PTPRD: variants seen among roughly 807,000 people sequenced by gnomAD.
PTPRD encodes the protein protein tyrosine phosphatase receptor type D.
Under a neutral mutation model 214.5 loss-of-function variants are expected in PTPRD, and 34 were observed. The ratio of observed to expected loss-of-function variants is 0.16; its 90% CI spans 0.12 to 0.21. The LOEUF (loss-of-function observed/expected upper bound fraction) is 0.21. Ranked by LOEUF, PTPRD falls within the 10% of genes least tolerant of loss-of-function variation. The pLI, the probability that PTPRD is intolerant of heterozygous loss-of-function variation, is 1.00. For missense variants in PTPRD, 2,545 were observed against 2,398.7 expected, an observed-to-expected ratio of 1.06 and a Z score of -1.27; for synonymous variants, 1,128 against 845.7, an observed-to-expected ratio of 1.33 and a Z score of -5.79.
intron 5 of PTPRD, among the ~76,000 whole-genome samples, chr9:9,926,802 G>A (rs1055320850): frequency 6.6e-6 from 1 of 152,130 alleles, no homozygotes; most frequent in Admixed American, 6.5e-5. Flanking sequence ...CATTTGTTTA[G>A]AGAGATAAAA....
At chr9:8,783,804 A>G (rs1256432963) in intron 11 of PTPRD, among the ~76,000 whole-genome samples, 1 of 152,218 alleles carries the variant, frequency 6.6e-6, no homozygotes, top group Non-Finnish European at 1.5e-5. Context: ...ATTCCCAGAT[A>G]GAGCAGGAGG....
At chr9:9,551,711 T>C (rs1357489321) in intron 8 of PTPRD, among the ~76,000 whole-genome samples, 1 of 152,002 alleles carries the variant, frequency 6.6e-6, no homozygotes, top group African/African-American at 2.4e-5. Flanking sequence ...CCAGTCCTAC[T>C]GCATATAGCC....
chr9:10,036,730 C>T (rs562439100), intron 3 of PTPRD, among the ~76,000 whole-genome samples: 29 of 151,976 alleles, frequency 1.9e-4, no homozygotes, highest in East Asian at 1.6e-3. Context: ...ATTACAGGCA[C>T]GTGCCACCAC....
intron 6 of PTPRD, among the ~76,000 whole-genome samples, chr9:9,760,782 C>A (rs1004925192): frequency 6.6e-6 from 1 of 152,018 alleles, no homozygotes; most frequent in African/African-American, 2.4e-5. Flanking sequence ...GGTGAGTAAC[C>A]ACATGAAAAG....
chr9:9,782,966 A>G (rs145676437), intron 5 of PTPRD, among the ~76,000 whole-genome samples: 1 of 152,338 alleles, frequency 6.6e-6, no homozygotes, highest in African/African-American at 2.4e-5. Flanking sequence ...AGATAAGCCC[A>G]AATTATGAAG....
chr9:8,632,878 T>C (rs1334230351), intron 14 of PTPRD, among the ~76,000 whole-genome samples: 3 of 152,124 alleles, frequency 2.0e-5, no homozygotes, highest in Admixed American at 6.6e-5. Context: ...TTCTGACCAA[T>C]TGCTTAAGGA....
intron 21 of PTPRD, among the ~76,000 whole-genome samples, chr9:8,510,852 TG>T (rs2097663717): frequency 6.6e-6 from 1 of 152,112 alleles, no homozygotes; most frequent in African/African-American, 2.4e-5. Context: ...CCCAACATAT[TG>T]GTCCTAATGA....
intron 11 of PTPRD, among the ~76,000 whole-genome samples, chr9:8,833,539 A>T (rs1601331335): frequency 1.3e-5 from 2 of 149,040 alleles, no homozygotes; most frequent in Non-Finnish European, 1.5e-5. Flanking sequence ...TCTTTTTTTC[A>T]TTTTTTTTTC....
intron 39 of PTPRD, among the ~76,000 whole-genome samples, chr9:8,367,488 T>A (rs1396633589): frequency 5.9e-5 from 9 of 152,188 alleles, no homozygotes; most frequent in Non-Finnish European, 7.3e-5. Flanking sequence ...GCCAAAATTC[T>A]ACGATCTAAA....
chr9:10,437,337 T>C (rs1040045401), intron 2 of PTPRD, among the ~76,000 whole-genome samples: 1 of 151,858 alleles, frequency 6.6e-6, no homozygotes, highest in Non-Finnish European at 1.5e-5. Context: ...ATTCAGACTA[T>C]TGCAAATTGA....
intron 2 of PTPRD, among the ~76,000 whole-genome samples, chr9:10,547,300 C>T (rs972454258): frequency 1.3e-5 from 2 of 151,782 alleles, no homozygotes; most frequent in East Asian, 3.9e-4. Flanking sequence ...ATTAATGGTT[C>T]TTACCAAGGG....
chr9:10,524,502 A>G (rs1311736549), intron 2 of PTPRD, among the ~76,000 whole-genome samples: 2 of 152,110 alleles, frequency 1.3e-5, no homozygotes, highest in Non-Finnish European at 2.9e-5. Context: ...GCCATAAAAT[A>G]AAAATATTTT....
intron 3 of PTPRD, among the ~76,000 whole-genome samples, chr9:10,284,999 G>A (rs1207259452): frequency 6.6e-6 from 1 of 152,134 alleles, no homozygotes; most frequent in Non-Finnish European, 1.5e-5. Context: ...TGGTATGAAT[G>A]TTTAATTTTA....
At chr9:9,430,338 C>G (rs1363248495) in intron 8 of PTPRD, among the ~76,000 whole-genome samples, 1 of 151,598 alleles carries the variant, frequency 6.6e-6, no homozygotes, top group Non-Finnish European at 1.5e-5. Flanking sequence ...AGGAATCCAA[C>G]TTACATGGGT....
At chr9:9,231,079 A>G (rs2099962803) in intron 9 of PTPRD, among the ~76,000 whole-genome samples, 1 of 152,082 alleles carries the variant, frequency 6.6e-6, no homozygotes. Context: ...TGGGTGTTCT[A>G]ACAAGTTAGG....
intron 5 of PTPRD, among the ~76,000 whole-genome samples, chr9:9,935,911 A>G (rs1051680448): frequency 6.6e-6 from 1 of 150,794 alleles, no homozygotes; most frequent in Non-Finnish European, 1.5e-5. Context: ...CAGAGCCCTC[A>G]GAAATAATGC....
intron 36 of PTPRD, among the ~76,000 whole-genome samples, chr9:8,401,552 TCCTAG>T (rs1309289582): frequency 6.6e-6 from 1 of 152,184 alleles, no homozygotes; most frequent in Non-Finnish European, 1.5e-5. Context: ...TCTGCATTTT[TCCTAG>T]CCTAAATAAA....
intron 5 of PTPRD, among the ~76,000 whole-genome samples, chr9:9,865,599 A>T (rs895564682): frequency 2.0e-5 from 3 of 152,170 alleles, no homozygotes; most frequent in African/African-American, 7.2e-5. Flanking sequence ...TAAGTCACCC[A>T]GTTTCAGATA....
At chr9:9,965,938 A>C (rs1206914360) in intron 4 of PTPRD, among the ~76,000 whole-genome samples, 1 of 152,194 alleles carries the variant, frequency 6.6e-6, no homozygotes, top group East Asian at 1.9e-4. Flanking sequence ...TCAACAGATA[A>C]TTGCATGTAT....
Sources: allele counts gnomAD v4.1 joint callset (sites outside exome capture counted in the v4.1 genomes callset), GRCh38; gene constraint gnomAD v4.1.1; transcripts MANE v1.5; gene names NCBI Gene and HGNC (gene_info 2026-07-23, HGNC 2026-07-21).